Variants in TRRAP observed in about 807,000 individuals in gnomAD.
TRRAP encodes transformation/transcription domain associated protein, also known as transformation/transcription domain-associated protein.
Under a neutral mutation model 438.8 loss-of-function variants are expected in TRRAP, and 41 were observed. That is an observed-to-expected ratio of 0.09 (90% CI 0.07 to 0.12). The LOEUF (loss-of-function observed/expected upper bound fraction) is 0.12. TRRAP is among the 10% of genes least tolerant of loss of function. The probability of loss-of-function intolerance (pLI) is 1.00; values close to 1 mark genes in which losing one functional copy is unlikely to be tolerated. For synonymous variants in TRRAP, 1,994 were observed against 1,962.9 expected, an observed-to-expected ratio of 1.02 and a Z score of -0.42; for missense variants, 3,122 against 5,055.1, an observed-to-expected ratio of 0.62 and a Z score of 11.60.
chr7:98,927,094 G>A (rs1790082433), intron 22 of TRRAP, 73 bp from the exon 23 acceptor site: 11 of 1,538,934 alleles, frequency 7.1e-6, no homozygotes, highest in South Asian at 1.2e-5. Context: ...TTAAAAATTT[G>A]AAAAGAAGTC....
intron 43 of TRRAP, among the ~76,000 whole-genome samples, chr7:98,957,390 G>A (rs1004516085): frequency 1.3e-5 from 2 of 152,186 alleles, no homozygotes; most frequent in Admixed American, 6.5e-5. Flanking sequence ...TGAAGGGTAC[G>A]TGAGACCTCT....
At chr7:98,968,793 C>G (rs185386895) in intron 51 of TRRAP, among the ~76,000 whole-genome samples, 2 of 152,350 alleles carry the variant, frequency 1.3e-5, no homozygotes, top group Admixed American at 6.5e-5. Context: ...TGGGCGTTCT[C>G]TTGGCGCGTG....
chr7:98,915,212 G>C (rs954213733), intron 18 of TRRAP, among the ~76,000 whole-genome samples: 15 of 150,976 alleles, frequency 9.9e-5, no homozygotes, highest in African/African-American at 3.2e-4. Context: ...TTTTTTTTGA[G>C]ACCGAATTTC....
At position 98,976,126 on chromosome 7, in the gene TRRAP, G is replaced by A. The variant is rs756495168; in HGVS notation, c.7840-23G>A. 5.0e-6 allele frequency: 8 copies of A among 1,613,106 alleles called. No individual in the cohort carries two copies. The East Asian group carries it at 1.8e-4, about 36-fold the overall frequency. ...GCACCCCCAGCCCGTGGCCATCTCA[G>A]CCTGTTGTCTTTCTGTTCATAGACT... On this transcript the variant is annotated intron_variant, in intron 53 of 72. Transcript: ENST00000456197. The surrounding 1 kb of genome is among the most constrained non-coding windows in gnomAD (Gnocchi z 4.6).
At position 98,908,735 on chromosome 7, in the gene TRRAP, G is replaced by A. The variant is rs1796908734; in HGVS notation, c.1123G>A (p.Ala375Thr). The A allele has an allele frequency of 6.5e-7, 1 of 1,549,780 alleles. No homozygotes were observed. The highest frequency in any genetic ancestry group is 8.7e-7 in the Non-Finnish European group (1 of 1,148,630). The part of the protein sequence containing the change: ...YTARETLRPL[A>T]YSTLADLVHH... Reference sequence around the variant, plus strand: ...CGAGGTCTCTGCCCGCAGGCCCCTCGCCTACAGCACGCTGGCCGACCTCGT... The same window carrying A: ...CGAGGTCTCTGCCCGCAGGCCCCTCACCTACAGCACGCTGGCCGACCTCGT... Residue 375 changes from alanine to threonine, a missense_variant, in exon 14 of 73, where the codon GCC becomes ACC. Around this residue, in one of 24 missense-constraint regions of TRRAP, gnomAD observed 343 missense variants for 564.0 expected, o/e 0.61. Transcript: ENST00000456197. The surrounding 1 kb of genome is among the most constrained non-coding windows in gnomAD (Gnocchi z 4.1).
At chr7:98,950,360 A>G in intron 38 of TRRAP, 98 bp downstream of exon 38, 1 of 1,400,032 alleles carries the variant, frequency 7.1e-7, no homozygotes. Context: ...TCACTCTTGA[A>G]TAAATAGTAG....
chr7:98,891,817 C>T (rs1455190988), intron 4 of TRRAP, among the ~76,000 whole-genome samples: 1 of 152,112 alleles, frequency 6.6e-6, no homozygotes, highest in African/African-American at 2.4e-5. Context: ...GGATTACAGG[C>T]GTGAGCCACC....
intron 8 of TRRAP, among the ~76,000 whole-genome samples, chr7:98,898,448 T>C (rs1318458784): frequency 1.3e-5 from 2 of 152,236 alleles, no homozygotes; most frequent in African/African-American, 4.8e-5. Flanking sequence ...ACTATGACAA[T>C]TTTTGTGATT....
At chr7:98,946,923 C>T (rs1405435316) in intron 33 of TRRAP, among the ~76,000 whole-genome samples, 3 of 152,218 alleles carry the variant, frequency 2.0e-5, no homozygotes, top group African/African-American at 7.2e-5. Context: ...CTAAGTCTTG[C>T]AGATTCTGGG....
chr7:98,997,606 G>A (rs1793731233), intron 67 of TRRAP, among the ~76,000 whole-genome samples: 1 of 150,954 alleles, frequency 6.6e-6, no homozygotes, highest in African/African-American at 2.5e-5. Flanking sequence ...GTATAGACAG[G>A]CTCAAAATGC....
In TRRAP at chr7:98,991,685, C is replaced by G. The variant is rs542437158; in HGVS notation, c.9757-452C>G. 1.1e-3 allele frequency among the ~76,000 whole-genome samples: 170 copies of G among 152,338 alleles called. 1 individual carries two copies. The highest frequency in any genetic ancestry group is 3.8e-3 in the African/African-American group (160 of 41,582). ...AGTTTCTTAACTGAAACGGACATCCCTCCATCTCCTCCCAGCTGCAGTTAG... is the reference window on the plus strand; with the variant it reads ...AGTTTCTTAACTGAAACGGACATCCGTCCATCTCCTCCCAGCTGCAGTTAG... On this transcript the variant is annotated intron_variant, in intron 64 of 72. Coordinates refer to ENST00000456197, the MANE Select transcript of TRRAP (RefSeq NM_001375524.1).
chr7:99,008,235 A>C lies in TRRAP; in HGVS notation c.10754-142A>C, dbSNP rs1210946835. The C allele has an allele frequency of 8.7e-6, 7 of 802,744 alleles. No homozygotes were observed. In the East Asian group the frequency reaches 1.5e-4, roughly 17 times the overall value. 49.7% of individuals were successfully genotyped at this position (802,744 alleles called of 1,614,324 possible). ...CATCTGTTGAGCAAATGGATGGTGC[A>C]TGACCACCGGGTTCTTCCAGCTAAG... On this transcript the variant is annotated intron_variant, in intron 69 of 72. Coordinates refer to ENST00000456197, the MANE Select transcript of TRRAP (RefSeq NM_001375524.1).
At chr7:98,911,800 G>A (rs1789289258) in intron 17 of TRRAP, among the ~76,000 whole-genome samples, 2 of 151,600 alleles carry the variant, frequency 1.3e-5, no homozygotes, top group South Asian at 4.1e-4. Context: ...TGCATTAAAT[G>A]TATTTGATGA....
intron 33 of TRRAP, among the ~76,000 whole-genome samples, chr7:98,946,779 T>C (rs1399318665): frequency 5.3e-5 from 8 of 152,252 alleles, no homozygotes; most frequent in African/African-American, 1.9e-4. Flanking sequence ...TGATGGCATC[T>C]GTTACTCCTG....
chr7:98,957,927 G>T, intron 43 of TRRAP, 54 bp from the exon 44 acceptor site: 1 of 1,522,704 alleles, frequency 6.6e-7, no homozygotes, highest in Non-Finnish European at 9.0e-7. Flanking sequence ...TCAAGCCTGG[G>T]TTGGAAATTA....
rs1196173294 is a variant in TRRAP, at chr7:98,951,061, G to C, written c.5463+57G>C. 10 of 1,029,618 alleles carry C rather than the reference G, an allele frequency of 9.7e-6. No homozygotes were observed. The East Asian group carries it at 3.8e-4, about 39-fold the overall frequency. The allele number at this position is 1,029,618 out of a possible 1,614,324, so 63.8% of individuals were successfully genotyped here. On this transcript the variant is annotated intron_variant, in intron 39 of 72. Transcript: ENST00000456197. ...TAGCCTGGCATGTGGATGAACATCT[G>C]TGTGTGTGTGTGTGTGTGTGTGTGT...
chr7:98,959,656 C>T (rs1324964403), intron 45 of TRRAP, among the ~76,000 whole-genome samples, 166 bp downstream of exon 45: 2 of 152,170 alleles, frequency 1.3e-5, no homozygotes, highest in African/African-American at 2.4e-5. Flanking sequence ...TTGGCCTCCA[C>T]TGCTCTCTCC....
At chr7:98,989,105 C>G (rs1584397390) in intron 63 of TRRAP, 139 bp downstream of exon 63, 1 of 918,192 alleles carries the variant, frequency 1.1e-6, no homozygotes, top group African/African-American at 1.7e-5. Context: ...CATCACTGTT[C>G]GAAGTATCTT....
intron 20 of TRRAP, among the ~76,000 whole-genome samples, chr7:98,920,807 C>T (rs1789751999): frequency 6.6e-6 from 1 of 151,888 alleles, no homozygotes; most frequent in South Asian, 2.1e-4. Flanking sequence ...TGGAACCTCA[C>T]TGCTAAGTCG....
Sources: allele counts gnomAD v4.1 joint callset (sites outside exome capture counted in the v4.1 genomes callset), GRCh38; gene constraint gnomAD v4.1.1; regional missense constraint gnomAD v4.1.1; non-coding constraint Gnocchi (gnomAD v3.1); transcripts MANE v1.5; gene names NCBI Gene and HGNC (gene_info 2026-07-23, HGNC 2026-07-21).